GSE1: variants seen among roughly 807,000 people sequenced by gnomAD.
The protein encoded by GSE1 is genetic suppressor element 1.
A neutral mutation model predicts 112.6 loss-of-function variants in GSE1; 32 were observed. That is an observed-to-expected ratio of 0.28 (90% CI 0.21 to 0.38). GSE1 has a LOEUF of 0.38. GSE1 is among the 10% of genes least tolerant of loss of function. The pLI is 1.00. For missense variants in GSE1, 2,348 were observed against 1,699.2 expected (o/e 1.38, Z -6.71); for synonymous variants, 1,115 against 735.6 (o/e 1.52, Z -8.35).
chr16:85,610,926 A>C (rs1016630108), upstream of GSE1, among the ~76,000 whole-genome samples: 15 of 152,226 alleles, frequency 9.9e-5, no homozygotes, highest in Non-Finnish European at 2.1e-4. Context: ...TAAAAAGCCG[A>C]GTGATGCACC....
chr16:85,657,359 G>A lies in GSE1; in HGVS notation c.1395G>A (p.Val465=), dbSNP rs773633123. Reference sequence around the variant, plus strand: ...CGGTGCCCACCCCACACCACACGGTGCCCAGCCTCATCTCCAACCATGGCA... The same window carrying A: ...CGGTGCCCACCCCACACCACACGGTACCCAGCCTCATCTCCAACCATGGCA... ...LHPVPTPHHT[V]PSLISNHGIF... is the part of the protein sequence containing the mutation. Residue 465 remains valine, a synonymous_variant, in exon 8 of 16, where the codon GTG becomes GTA. Coordinates refer to ENST00000253458, the MANE Select transcript of GSE1 (RefSeq NM_014615.5). 8.7e-6 allele frequency: 14 copies of A among 1,611,900 alleles called. No individual in the cohort carries two copies. The highest frequency in any genetic ancestry group is 1.1e-5 in the Non-Finnish European group (13 of 1,179,728).
At chr16:85,489,007 T>C (rs755926458) in intron 2 of GSE1, among the ~76,000 whole-genome samples, 20 of 151,986 alleles carry the variant, frequency 1.3e-4, no homozygotes, top group Non-Finnish European at 2.8e-4. Context: ...GGCAACATGG[T>C]ACAAATTACA....
At chr16:85,644,297 C>T (rs530133440) in intron 2 of GSE1, among the ~76,000 whole-genome samples, 243 of 151,596 alleles carry the variant, frequency 1.6e-3, no homozygotes, top group African/African-American at 5.5e-3. Context: ...TGTGATTGCA[C>T]CACTGCACTC....
chr16:85,500,049 A>G (rs2051309296), intron 2 of GSE1, among the ~76,000 whole-genome samples: 1 of 152,232 alleles, frequency 6.6e-6, no homozygotes, highest in Non-Finnish European at 1.5e-5. Flanking sequence ...CTGCAGTAAA[A>G]TCATGAGACC....
At chr16:85,234,493 C>T (rs1007915025) in intron 1 of GSE1, among the ~76,000 whole-genome samples, 8 of 152,132 alleles carry the variant, frequency 5.3e-5, no homozygotes, top group Admixed American at 2.0e-4. Context: ...GACGGATGGG[C>T]GGTTAGGTGG....
chr16:85,599,336 G>C (rs74031873), intron 1 of GSE1, among the ~76,000 whole-genome samples: 2,889 of 152,234 alleles, frequency 0.019, 101 homozygotes, highest in African/African-American at 0.065. Context: ...GGTGTCATGG[G>C]GTGGTTCCCC....
intron 2 of GSE1, among the ~76,000 whole-genome samples, chr16:85,495,504 A>G (rs2051146450): frequency 1.3e-5 from 2 of 149,340 alleles, no homozygotes; most frequent in Admixed American, 1.3e-4. Context: ...TTTATGTTTT[A>G]TTTTATTTGA....
chr16:85,246,434 T>TCTAC (rs1905789264), intron 1 of GSE1, among the ~76,000 whole-genome samples: 1 of 44,442 alleles, frequency 2.3e-5, no homozygotes, highest in Non-Finnish European at 4.1e-5. Context: ...CCATGCTCTC[T>TCTAC]ACACACACAC....
chr16:85,539,898 G>A (rs1414578077), intron 2 of GSE1, among the ~76,000 whole-genome samples: 1 of 152,248 alleles, frequency 6.6e-6, no homozygotes, highest in Non-Finnish European at 1.5e-5. Flanking sequence ...ACAAAGGAGA[G>A]TCCTGGCCCT....
chr16:85,666,206 C>A lies in GSE1; in HGVS notation c.2989C>A (p.Pro997Thr). 1 of 1,613,686 alleles carries A rather than the reference C, an allele frequency of 6.2e-7. No individual in the cohort carries two copies. Among genetic ancestry groups the A allele is most frequent in the African/African-American group, 1.3e-5 (1 of 75,060 alleles). The change falls in exon 13 of 16, where the codon CCC becomes ACC. Residue 997 changes from proline (P) to threonine (T), a missense_variant. Physicochemically the swap from Pro to Thr is conservative, Grantham distance 38. Coordinates refer to ENST00000253458, the MANE Select transcript of GSE1 (RefSeq NM_014615.5). ...GCTTCACTATATCCGGGGCGCTGCA[C>A]CCAAGGACATTCCTGTGCCGCTGTC... ...SMLHYIRGAA[P>T]KDIPVPLSHS... is the part of the protein sequence containing the mutation.
At chr16:85,654,693 G>A (rs1487020871) in intron 4 of GSE1, 101 bp from the exon 5 acceptor site, 7 of 814,452 alleles carry the variant, frequency 8.6e-6, no homozygotes, top group African/African-American at 3.4e-5. Context: ...TCTGGGTGCC[G>A]ACTGAGCGCC....
intron 2 of GSE1, among the ~76,000 whole-genome samples, chr16:85,466,890 T>G (rs2050140203): frequency 6.6e-6 from 1 of 152,070 alleles, no homozygotes; most frequent in Non-Finnish European, 1.5e-5. Flanking sequence ...CGAAGCCTCA[T>G]CTCTACTGAA....
chr16:85,587,833 C>G (rs893028619), intron 1 of GSE1, among the ~76,000 whole-genome samples: 1 of 152,150 alleles, frequency 6.6e-6, no homozygotes, highest in Non-Finnish European at 1.5e-5. Context: ...CCTTCCCGGA[C>G]CCTTGGGCCC....
At chr16:85,626,272 A>G (rs28483156) in intron 1 of GSE1, among the ~76,000 whole-genome samples, 10,038 of 152,090 alleles carry the variant, frequency 0.066, 818 homozygotes, top group African/African-American at 0.2. Flanking sequence ...AGCTTGGAGC[A>G]CGTGGAGGGC....
chr16:85,360,594 C>T (rs2047046717), intron 2 of GSE1, among the ~76,000 whole-genome samples: 1 of 152,168 alleles, frequency 6.6e-6, no homozygotes. Flanking sequence ...GGCGCTGTCT[C>T]CCGGGCCCAG....
chr16:85,535,089 C>T (rs1280325801), intron 2 of GSE1, among the ~76,000 whole-genome samples: 2 of 152,170 alleles, frequency 1.3e-5, no homozygotes, highest in African/African-American at 4.8e-5. Context: ...TTCTCAGGGC[C>T]AGGATACAGA....
chr16:85,655,843 C>G lies in GSE1; in HGVS notation c.915C>G (p.Arg305=), dbSNP rs1234519301. 1.2e-6 allele frequency: 2 copies of G among 1,610,548 alleles called. No homozygotes were observed. Among genetic ancestry groups the G allele is most frequent in the Non-Finnish European group, 1.7e-6 (2 of 1,179,856 alleles). Residue 305 remains arginine, a synonymous_variant, in exon 6 of 16, where the codon CGC becomes CGG. Transcript: ENST00000253458. ...SAMHLHLSGV[R]YPPELSHSSL... ...TGCACCTGCACCTCTCTGGGGTCCGCTACCCTCCCGAGCTCTCCCACTCAT... is the reference window on the plus strand; with the variant it reads ...TGCACCTGCACCTCTCTGGGGTCCGGTACCCTCCCGAGCTCTCCCACTCAT...
chr16:85,433,517 C>T (rs2049169441), intron 2 of GSE1, among the ~76,000 whole-genome samples: 1 of 152,110 alleles, frequency 6.6e-6, no homozygotes, highest in Admixed American at 6.5e-5. Context: ...CTGGGCCCTG[C>T]TGTTTGGCAT....
At chr16:85,598,959 C>T (rs972618035) in intron 1 of GSE1, among the ~76,000 whole-genome samples, 1 of 152,230 alleles carries the variant, frequency 6.6e-6, no homozygotes, top group African/African-American at 2.4e-5. Flanking sequence ...AGCCACAGGC[C>T]CTGCTCCATA....
Sources: allele counts gnomAD v4.1 joint callset (sites outside exome capture counted in the v4.1 genomes callset), GRCh38; gene constraint gnomAD v4.1.1; transcripts MANE v1.5; gene names NCBI Gene and HGNC (gene_info 2026-07-23, HGNC 2026-07-21).